SBK2: variants seen among roughly 807,000 people sequenced by gnomAD.
SBK2 encodes SH3 domain binding kinase family member 2.
In SBK2, 18 loss-of-function variants were observed where a neutral mutation model predicts 15.9. The ratio of observed to expected loss-of-function variants is 1.13; its 90% confidence interval spans 0.78 to 1.68. The LOEUF (loss-of-function observed/expected upper bound fraction) is 1.68. Ranked by LOEUF, SBK2 falls within the 40% of genes most tolerant of loss-of-function variation. The pLI, the probability that SBK2 is intolerant of heterozygous loss-of-function variation, is 0.00. For missense variants in SBK2, 581 were observed against 510.9 expected (o/e 1.14, Z -1.32); for synonymous variants, 284 against 246.8 (o/e 1.15, Z -1.41).
Position 55,530,525 on chromosome 19 carries a change from TGTGGGTTTAGTGGG to T in SBK2, c.457-216_457-203del. Among the ~76,000 whole-genome samples, 2 of 12,926 alleles carry T rather than the reference TGTGGGTTTAGTGGG, an allele frequency of 1.5e-4. 1 individual carries two copies. The highest frequency in any genetic ancestry group is 2.6e-4 in the African/African-American group (2 of 7,798). The allele number at this position is 12,926 out of a possible 152,430, so 8.5% of individuals were successfully genotyped here. A position where few individuals can be genotyped will look rare whatever the true frequency, so the allele number is the denominator to read the frequency against. On this transcript the variant is annotated intron_variant, in intron 3 of 3. Coordinates refer to ENST00000413299, the MANE Select transcript of SBK2 (RefSeq NM_001370096.2). ...GAGGCCTAGTGTGACCTGTGAGGCC[TGTGGGTTTAGTGGG>T]GCCTAGTGTGACCTGTGAGGCCTGT...
rs746368396 is a variant in SBK2 at position 55,531,266 on chromosome 19, G to T, written c.333C>A (p.Leu111=). The change falls in exon 3 of 4, where the codon CTC becomes CTA. Residue 111 remains leucine (L), a synonymous_variant. Coordinates refer to ENST00000413299, the MANE Select transcript of SBK2 (RefSeq NM_001370096.2). ...RGFLYEFCVG[L]SLGAHSAIVT... ...CGATGGCTGAGTGCGCGCCCAGCGA[G>T]AGCCCCACACAGAACTCGTACAGGA... is the stretch of plus-strand genomic sequence containing the variant. The T allele has an allele frequency of 1.2e-6, 2 of 1,613,704 alleles. No individual in the cohort carries two copies. Among genetic ancestry groups the T allele is most frequent in the East Asian group, 2.2e-5 (1 of 44,870 alleles).
chr19:55,535,024 CAA>C (rs879492215), intron 2 of SBK2, among the ~76,000 whole-genome samples: 1 of 134,466 alleles, frequency 7.4e-6, no homozygotes, highest in Admixed American at 7.5e-5. Context: ...GACTCCATTT[CAA>C]AAAAAAAAAA....
In SBK2 at chr19:55,529,879, C is replaced by T. The variant is rs1239682046; in HGVS notation, c.901G>A (p.Asp301Asn). 1.9e-6 allele frequency: 3 copies of T among 1,587,932 alleles called. No individual in the cohort carries two copies. Among genetic ancestry groups the T allele is most frequent in the Non-Finnish European group, 1.7e-6 (2 of 1,170,410 alleles). ...TCCAGCAGCCCCCGCAGAAGCGCGTCGGCCGCGGCGGCCAGGCCGAACCAG... is the reference window on the plus strand; with the variant it reads ...TCCAGCAGCCCCCGCAGAAGCGCGTTGGCCGCGGCGGCCAGGCCGAACCAG... ...QPWFGLAAAA[D>N]ALLRGLLDPH... Residue 301 changes from aspartate (D) to asparagine (N), a missense_variant, in exon 4 of 4, where the codon GAC (aspartate) becomes AAC (asparagine). Physicochemically the swap from Asp to Asn is conservative, Grantham distance 23. Coordinates refer to ENST00000413299, the MANE Select transcript of SBK2 (RefSeq NM_001370096.2).
intron 2 of SBK2, among the ~76,000 whole-genome samples, chr19:55,533,704 A>C (rs1421097086): frequency 6.8e-6 from 1 of 146,844 alleles, no homozygotes; most frequent in Non-Finnish European, 1.5e-5. Flanking sequence ...AAAAAGAAAA[A>C]GTTCCTTCCT....
At position 55,531,317 on chromosome 19, in the gene SBK2, C is replaced by CG; in HGVS notation, c.281dup (p.Lys95GlufsTer404). On this transcript the variant is annotated frameshift_variant, in exon 3 of 4. Transcript: ENST00000413299. LOFTEE classifies it high-confidence loss of function. ...AGCCACGGAGGGACGTGCGGGGTTTCGGGAGCTGCTTCAGTGCCAGGGGTG... is the reference window on the plus strand; with the variant it reads ...AGCCACGGAGGGACGTGCGGGGTTTCGGGGAGCTGCTTCAGTGCCAGGGGTG... 1 of 1,610,566 alleles carries CG rather than the reference C, an allele frequency of 6.2e-7. No individual in the cohort carries two copies. The highest frequency in any genetic ancestry group is 8.5e-7 in the Non-Finnish European group (1 of 1,178,680).
chr19:55,531,325 G>C lies in SBK2; in HGVS notation c.274C>G (p.Gln92Glu), dbSNP rs1988259749. The C allele has an allele frequency of 6.2e-7, 1 of 1,608,468 alleles. No individual in the cohort carries two copies. The change falls in exon 3 of 4, where the codon CAG becomes GAG. Residue 92 changes from glutamine to glutamate, a missense_variant. Coordinates refer to ENST00000413299, the MANE Select transcript of SBK2 (RefSeq NM_001370096.2). The part of the protein sequence containing the change: ...RQKGTPLALK[Q>E]LPKPRTSLRG... ...AGGGACGTGCGGGGTTTCGGGAGCT[G>C]CTTCAGTGCCAGGGGTGTGCCTGGG...
rs1366086271 is a variant in SBK2, at chr19:55,529,619, C to T, written c.*114G>A. On this transcript the variant is annotated 3_prime_UTR_variant, in exon 4 of 4. Coordinates refer to ENST00000413299, the MANE Select transcript of SBK2 (RefSeq NM_001370096.2). Reference sequence around the variant, plus strand: ...GCAGAGAGGAGAGAGGAGGAGGACGCCGAGGGGAATCCCAAGCCCCATGGA... The same window carrying T: ...GCAGAGAGGAGAGAGGAGGAGGACGTCGAGGGGAATCCCAAGCCCCATGGA... The T allele has an allele frequency of 1.4e-6, 2 of 1,403,952 alleles. No homozygotes were observed. Among genetic ancestry groups the T allele is most frequent in the African/African-American group, 1.5e-5 (1 of 68,022 alleles). 87.0% of individuals were successfully genotyped at this position (1,403,952 alleles called of 1,614,324 possible). A position where few individuals can be genotyped will look rare whatever the true frequency, so the allele number is the denominator to read the frequency against.
Position 55,531,251 on chromosome 19 carries a change from G to A in SBK2, c.348C>T (p.His116=). ...EFCVGLSLGA[H]SAIVTAYGIG... ...TGCCGTAGGCCGTCACGATGGCTGA[G>A]TGCGCGCCCAGCGAGAGCCCCACAC... The change falls in exon 3 of 4, where the codon CAC becomes CAT. Residue 116 remains histidine (H), a synonymous_variant. Transcript: ENST00000413299. 3 of 1,613,734 alleles carry A rather than the reference G, an allele frequency of 1.9e-6. No individual in the cohort carries two copies. The highest frequency in any genetic ancestry group is 1.1e-5 in the South Asian group (1 of 91,084).
At chr19:55,535,597 C>T (rs973446415) in intron 2 of SBK2, among the ~76,000 whole-genome samples, 51 of 152,186 alleles carry the variant, frequency 3.4e-4, no homozygotes, top group Admixed American at 2.9e-3. Context: ...GGCAGGGCAC[C>T]GTGGCTCATG....
intron 1 of SBK2, among the ~76,000 whole-genome samples, 188 bp downstream of exon 1, chr19:55,536,866 C>A (rs1216277773): frequency 1.3e-5 from 2 of 150,984 alleles, no homozygotes; most frequent in Non-Finnish European, 3.0e-5. Context: ...ATACAATTCA[C>A]ACAACTGGGG....
intron 2 of SBK2, among the ~76,000 whole-genome samples, chr19:55,535,446 T>C (rs1988373764): frequency 6.6e-6 from 1 of 152,186 alleles, no homozygotes; most frequent in Admixed American, 6.5e-5. Context: ...TACCCAGCAT[T>C]ATACAACCCC....
At chr19:55,534,719 AAG>A in intron 2 of SBK2, among the ~76,000 whole-genome samples, 1 of 142,444 alleles carries the variant, frequency 7.0e-6, no homozygotes, top group Non-Finnish European at 1.5e-5. Flanking sequence ...AAAAAAAAAA[AAG>A]AAAAAAAAAG....
chr19:55,529,797 G>A lies in SBK2; in HGVS notation c.983C>T (p.Pro328Leu), dbSNP rs1158663969. 2.5e-6 allele frequency: 4 copies of A among 1,604,134 alleles called. No individual in the cohort carries two copies. The highest frequency in any genetic ancestry group is 3.4e-6 in the Non-Finnish European group (4 of 1,179,666). The change falls in exon 4 of 4, where the codon CCC becomes CTC. Residue 328 changes from proline to leucine, a missense_variant. Physicochemically the swap from Pro to Leu is moderately conservative, Grantham distance 98. Coordinates refer to ENST00000413299, the MANE Select transcript of SBK2 (RefSeq NM_001370096.2). Reference sequence around the variant, plus strand: ...CGCCTCGCCCTCCCGCTGCCTCCAGGGGCGCCCCAGGTGCTCCCTGATGGC... The same window carrying A: ...CGCCTCGCCCTCCCGCTGCCTCCAGAGGCGCCCCAGGTGCTCCCTGATGGC... ...VIAIREHLGR[P>L]WRQREGEAEA...
rs189558100 is a variant in SBK2, at chr19:55,530,156, C to T, written c.624G>A (p.Arg208=). The change falls in exon 4 of 4, where the codon AGG becomes AGA. Residue 208 remains arginine (R), a synonymous_variant. Coordinates refer to ENST00000413299, the MANE Select transcript of SBK2 (RefSeq NM_001370096.2). ...RFKLTDFGHT[R]PRGTLLRLAG... is the part of the protein sequence containing the mutation. ...CCAGGCGCAGCAGCGTCCCGCGAGG[C>T]CTCGTGTGGCCGAAGTCGGTCAGCT... 806 of 1,515,044 alleles carry T rather than the reference C, an allele frequency of 5.3e-4. 8 individuals carry two copies. The African/African-American group carries it at 0.01, about 19-fold the overall frequency. The allele number at this position is 1,515,044 out of a possible 1,614,324, so 93.9% of individuals were successfully genotyped here. A position where few individuals can be genotyped will look rare whatever the true frequency, so the allele number is the denominator to read the frequency against.
chr19:55,535,906 A>G lies in SBK2; in HGVS notation c.253+136T>C, dbSNP rs959348844. On this transcript the variant is annotated intron_variant, in intron 2 of 3. Coordinates refer to ENST00000413299, the MANE Select transcript of SBK2 (RefSeq NM_001370096.2). ...ACAACCAACCAACCAAAAGAACAAA[A>G]AACAAAAAACACACAGCTTTGGAGG... The G allele has an allele frequency of 7.7e-6, 7 of 913,246 alleles. No homozygotes were observed. The South Asian group carries it at 1.1e-4, about 15-fold the overall frequency. 56.6% of individuals were successfully genotyped at this position (913,246 alleles called of 1,614,324 possible). A position where few individuals can be genotyped will look rare whatever the true frequency, so the allele number is the denominator to read the frequency against.
At chr19:55,534,722 A>AAG (rs1735942123) in intron 2 of SBK2, among the ~76,000 whole-genome samples, 2 of 144,854 alleles carry the variant, frequency 1.4e-5, no homozygotes, top group African/African-American at 5.2e-5. Context: ...AAAAAAAAAG[A>AAG]AAAAAAAAGA....
rs114021610 is a variant in SBK2, at chr19:55,532,247, A to G, written c.254-902T>C. Among the ~76,000 whole-genome samples, 1,030 of 151,662 alleles carry G rather than the reference A, an allele frequency of 6.8e-3. 16 individuals are homozygous for G. The highest frequency in any genetic ancestry group is 0.024 in the African/African-American group (982 of 41,332). ...AATTGTGGATTTTGTCACGTGTGGA[A>G]ACGACTTCCTAGAAGCTAAACTCCC... On this transcript the variant is annotated intron_variant, in intron 2 of 3. Coordinates refer to ENST00000413299, the MANE Select transcript of SBK2 (RefSeq NM_001370096.2).
intron 2 of SBK2, among the ~76,000 whole-genome samples, chr19:55,534,744 G>C (rs779858593): frequency 6.8e-6 from 1 of 146,786 alleles, no homozygotes; most frequent in Non-Finnish European, 1.5e-5. Context: ...AAGAAAAAAG[G>C]CCAGGCACAG....
At position 55,529,980 on chromosome 19, in the gene SBK2, A is replaced by AGG; in HGVS notation, c.798_799dup (p.Leu267ProfsTer53). On this transcript the variant is annotated frameshift_variant, in exon 4 of 4. Transcript: ENST00000413299. LOFTEE classifies it low-confidence loss of function (END_TRUNC). ...CTCGTAGAAGGGGTCGGCCTCGGCCAGGGGCCGGTCCCAGGGGAAGTAGCC... is the reference window on the plus strand; with the variant it reads ...CTCGTAGAAGGGGTCGGCCTCGGCCAGGGGGGCCGGTCCCAGGGGAAGTAGCC... 1 of 1,528,692 alleles carries AGG rather than the reference A, an allele frequency of 6.5e-7. No individual in the cohort carries two copies. The highest frequency in any genetic ancestry group is 8.8e-7 in the Non-Finnish European group (1 of 1,139,906). The allele number at this position is 1,528,692 out of a possible 1,614,324, so 94.7% of individuals were successfully genotyped here.
Sources: allele counts gnomAD v4.1 joint callset (sites outside exome capture counted in the v4.1 genomes callset), GRCh38; gene constraint gnomAD v4.1.1; transcripts MANE v1.5; gene names NCBI Gene and HGNC (gene_info 2026-07-23, HGNC 2026-07-21).